The following TTC28 variants were observed in gnomAD, a reference collection of about 807,000 sequenced individuals.
TTC28 encodes the protein tetratricopeptide repeat domain 28.
Under a neutral mutation model 198.0 loss-of-function variants are expected in TTC28, and 61 were observed. The ratio of observed to expected loss-of-function variants is 0.31; its 90% CI spans 0.25 to 0.38. The LOEUF (loss-of-function observed/expected upper bound fraction) is 0.38. TTC28 is among the 10% of genes least tolerant of loss of function. The pLI is 1.00. For synonymous variants in TTC28, 1,171 were observed against 1,297.8 expected, an observed-to-expected ratio of 0.90 and a Z score of 2.10; for missense variants, 2,678 against 3,164.0, an observed-to-expected ratio of 0.85 and a Z score of 3.69.
At chr22:28,301,007 G>A (rs565765343) in intron 3 of TTC28, among the ~76,000 whole-genome samples, 5 of 152,120 alleles carry the variant, frequency 3.3e-5, no homozygotes, top group Non-Finnish European at 7.3e-5. Context: ...ATATATGTAT[G>A]TCAATGTGTA....
At chr22:28,522,664 G>T (rs2048931541) in intron 2 of TTC28, among the ~76,000 whole-genome samples, 1 of 152,002 alleles carries the variant, frequency 6.6e-6, no homozygotes, top group Non-Finnish European at 1.5e-5. Flanking sequence ...GGACAATAAT[G>T]AACTGAAGCA....
At chr22:28,255,069 A>G (rs1022503401) in intron 5 of TTC28, among the ~76,000 whole-genome samples, 1 of 152,170 alleles carries the variant, frequency 6.6e-6, no homozygotes, top group African/African-American at 2.4e-5. Context: ...CAAGTCCTCA[A>G]CTGGTGAAAC....
intron 2 of TTC28, among the ~76,000 whole-genome samples, chr22:28,312,842 G>C (rs1163678284): frequency 6.6e-6 from 1 of 151,918 alleles, no homozygotes; most frequent in African/African-American, 2.4e-5. Context: ...ACTAGCAGAA[G>C]GCAAGAAATA....
chr22:28,291,723 A>T (rs752805411), intron 5 of TTC28, among the ~76,000 whole-genome samples: 3 of 152,190 alleles, frequency 2.0e-5, no homozygotes, highest in Non-Finnish European at 4.4e-5. Context: ...ATGATAAGAG[A>T]TGTATTTAAA....
intron 6 of TTC28, among the ~76,000 whole-genome samples, chr22:28,158,783 A>C (rs1943816954): frequency 6.6e-6 from 1 of 152,234 alleles, no homozygotes; most frequent in African/African-American, 2.4e-5. Flanking sequence ...AAAGACTTTA[A>C]ATCTATGACT....
intron 5 of TTC28, among the ~76,000 whole-genome samples, chr22:28,293,906 G>A (rs754756060): frequency 6.6e-6 from 1 of 152,110 alleles, no homozygotes; most frequent in Non-Finnish European, 1.5e-5. Flanking sequence ...TGCAATAGTT[G>A]AGCTATCTAT....
At chr22:28,096,462 G>C in intron 10 of TTC28, 54 bp from the exon 11 acceptor site, 1 of 1,536,628 alleles carries the variant, frequency 6.5e-7, no homozygotes, top group East Asian at 2.5e-5. Context: ...CTTACTTAGA[G>C]AGGCCTATCA....
At chr22:28,526,414 A>T (rs939828128) in intron 2 of TTC28, among the ~76,000 whole-genome samples, 1 of 152,250 alleles carries the variant, frequency 6.6e-6, no homozygotes, top group Non-Finnish European at 1.5e-5. Flanking sequence ...GTATTAAAAA[A>T]TAACTATTTG....
intron 5 of TTC28, among the ~76,000 whole-genome samples, chr22:28,189,006 A>ACTC (rs1379435489): frequency 1.3e-5 from 2 of 152,096 alleles, no homozygotes; most frequent in Non-Finnish European, 2.9e-5. Flanking sequence ...GAAAAAAGGA[A>ACTC]CTCAGGGGGA....
chr22:28,346,417 C>T (rs1364111930), intron 2 of TTC28, among the ~76,000 whole-genome samples: 1 of 152,162 alleles, frequency 6.6e-6, no homozygotes, highest in African/African-American at 2.4e-5. Flanking sequence ...AACATTGAGG[C>T]TACTTTATGT....
intron 6 of TTC28, among the ~76,000 whole-genome samples, chr22:28,118,078 T>C (rs56233401): frequency 0.071 from 10,759 of 152,124 alleles, 442 homozygotes; most frequent in South Asian, 0.094. Flanking sequence ...CTACTATGTA[T>C]CCATAAAAAT....
chr22:28,137,996 C>A (rs1171177395), intron 6 of TTC28, among the ~76,000 whole-genome samples: 1 of 151,886 alleles, frequency 6.6e-6, no homozygotes, highest in East Asian at 1.9e-4. Flanking sequence ...GCCTGGGTGA[C>A]AAGAGCGAAA....
intron 2 of TTC28, among the ~76,000 whole-genome samples, chr22:28,499,682 T>C (rs9613637): frequency 0.033 from 5,049 of 152,292 alleles, 159 homozygotes; most frequent in Non-Finnish European, 0.048. Context: ...AGCGTGTGAA[T>C]TAAAATATAG....
intron 6 of TTC28, among the ~76,000 whole-genome samples, chr22:28,123,194 G>T (rs1324993626): frequency 6.6e-6 from 1 of 151,746 alleles, no homozygotes; most frequent in East Asian, 1.9e-4. Context: ...CCTTCTCTTT[G>T]TTCTTTCCTT....
chr22:28,096,292 T>C lies in TTC28; in HGVS notation c.3664A>G (p.Ile1222Val). 1.9e-6 allele frequency: 3 copies of C among 1,551,872 alleles called. No homozygotes were observed. The highest frequency in any genetic ancestry group is 2.4e-5 in the South Asian group (2 of 84,048). Residue 1222 changes from isoleucine (I) to valine (V), a missense_variant, in exon 11 of 23, where the codon ATT becomes GTT. By Grantham distance (29) the Ile-to-Val change is conservative. Transcript: ENST00000397906. The part of the protein sequence containing the change: ...QDSDPYSPVT[I>V]DQILEMVNGQ... ...TTTACCATCTCTAAGATCTGATCAATAGTGACTGGGGAGTAGGGGTCGGAG... is the reference window on the plus strand; with the variant it reads ...TTTACCATCTCTAAGATCTGATCAACAGTGACTGGGGAGTAGGGGTCGGAG...
chr22:28,286,792 G>C (rs1217554666), intron 5 of TTC28, among the ~76,000 whole-genome samples: 2 of 151,988 alleles, frequency 1.3e-5, no homozygotes, highest in African/African-American at 4.8e-5. Flanking sequence ...TTACAATAGT[G>C]AGGATGCACA....
intron 2 of TTC28, among the ~76,000 whole-genome samples, chr22:28,596,078 A>T (rs2050536922): frequency 6.6e-6 from 1 of 152,240 alleles, no homozygotes; most frequent in South Asian, 2.1e-4. Flanking sequence ...AAAGAGCTTA[A>T]GAGGAAATTG....
chr22:28,141,435 C>T (rs560427376), intron 6 of TTC28, among the ~76,000 whole-genome samples: 7 of 152,098 alleles, frequency 4.6e-5, no homozygotes, highest in South Asian at 2.1e-4. Flanking sequence ...AATGAACAAA[C>T]GAATAAAAGA....
chr22:28,173,298 C>A (rs1922855501), intron 5 of TTC28, among the ~76,000 whole-genome samples: 1 of 152,112 alleles, frequency 6.6e-6, no homozygotes, highest in South Asian at 2.1e-4. Context: ...TAATGAGAAT[C>A]TGAAGACCCA....
Sources: gnomAD v4.1 joint callset for allele counts (sites outside exome capture counted in the v4.1 genomes callset) on GRCh38, gnomAD v4.1.1 for gene constraint, MANE v1.5 for transcripts, NCBI Gene and HGNC (gene_info 2026-07-23, HGNC 2026-07-21) for gene names.